TFPI: variants seen among roughly 807,000 people sequenced by gnomAD.
TFPI encodes anti-convertin.
TFPI carries 15 observed loss-of-function variants against 34.6 expected under a neutral mutation model. The observed-to-expected ratio is 0.43, with a 90% confidence interval of 0.29 to 0.67. TFPI has a LOEUF of 0.67. TFPI is among the 30% of genes least tolerant of loss of function. The pLI, the probability that TFPI is intolerant of heterozygous loss-of-function variation, is 0.15. For missense variants in TFPI, 301 were observed against 364.0 expected (o/e 0.83, Z 1.41); for synonymous variants, 105 against 120.1 (o/e 0.87, Z 0.82).
At chr2:187,544,242 C>T (rs1445848691) in intron 1 of TFPI, among the ~76,000 whole-genome samples, 4 of 152,064 alleles carry the variant, frequency 2.6e-5, no homozygotes, top group African/African-American at 4.8e-5. Context: ...CATGCCAAAT[C>T]CCCATTTCTT....
intron 4 of TFPI, among the ~76,000 whole-genome samples, 156 bp downstream of exon 4, chr2:187,488,181 T>C (rs963952592): frequency 6.6e-6 from 1 of 151,308 alleles, no homozygotes; most frequent in African/African-American, 2.4e-5. Context: ...TCAATCTCTT[T>C]TATGGATTTT....
intron 3 of TFPI, among the ~76,000 whole-genome samples, chr2:187,490,861 T>C (rs1241833871): frequency 6.6e-6 from 1 of 151,794 alleles, no homozygotes; most frequent in Non-Finnish European, 1.5e-5. Flanking sequence ...AATTTCATCT[T>C]CATTATGGGC....
intron 1 of TFPI, among the ~76,000 whole-genome samples, chr2:187,542,801 A>G (rs2106309392): frequency 6.8e-6 from 1 of 146,430 alleles, no homozygotes; most frequent in African/African-American, 2.5e-5. Context: ...CGGGAGATGG[A>G]GGCTGCAGTG....
intron 1 of TFPI, chr2:187,516,515 A>G (rs1053575490): frequency 1.3e-5 from 2 of 152,208 alleles, no homozygotes; most frequent in African/African-American, 4.8e-5. Context: ...GCACAAGTAT[A>G]CTATATGAAT....
At chr2:187,527,516 T>G (rs891515090) in intron 1 of TFPI, among the ~76,000 whole-genome samples, 3 of 152,192 alleles carry the variant, frequency 2.0e-5, no homozygotes, top group African/African-American at 7.2e-5. Flanking sequence ...TACCAAATTC[T>G]AACAAGTCGG....
At chr2:187,473,106 C>G (rs1256285764) in intron 6 of TFPI, among the ~76,000 whole-genome samples, 1 of 151,962 alleles carries the variant, frequency 6.6e-6, no homozygotes. Flanking sequence ...GTAGAAAAAC[C>G]TGCATGTTAG....
chr2:187,532,409 T>C (rs1688006910), intron 1 of TFPI, among the ~76,000 whole-genome samples: 1 of 152,166 alleles, frequency 6.6e-6, no homozygotes, highest in African/African-American at 2.4e-5. Context: ...TGGTTAGACA[T>C]TGGGTGTAGC....
At chr2:187,475,759 A>G (rs541746523) in intron 6 of TFPI, among the ~76,000 whole-genome samples, 1 of 152,214 alleles carries the variant, frequency 6.6e-6, no homozygotes, top group African/African-American at 2.4e-5. Context: ...AACCACTAAG[A>G]TATGTCATTC....
intron 1 of TFPI, among the ~76,000 whole-genome samples, chr2:187,553,412 A>G (rs1689163224): frequency 6.6e-6 from 1 of 151,794 alleles, no homozygotes; most frequent in South Asian, 2.1e-4. Context: ...ATTTTTGGTA[A>G]TTATTTTATA....
intron 3 of TFPI, among the ~76,000 whole-genome samples, chr2:187,493,805 G>C (rs1685280531): frequency 6.6e-6 from 1 of 152,130 alleles, no homozygotes; most frequent in Admixed American, 6.6e-5. Flanking sequence ...TTCCCAAAAA[G>C]TTCCTCATCT....
intron 2 of TFPI, among the ~76,000 whole-genome samples, chr2:187,497,820 C>G (rs766303626): frequency 1.3e-4 from 19 of 151,552 alleles, no homozygotes; most frequent in Admixed American, 5.9e-4. Flanking sequence ...TTATTTTTTT[C>G]AAGTCCAATA....
intron 7 of TFPI, 90 bp downstream of exon 7, chr2:187,467,663 A>G: frequency 8.5e-7 from 1 of 1,172,814 alleles, no homozygotes; most frequent in South Asian, 2.6e-5. Flanking sequence ...TATAATAAAG[A>G]TAATTAATTT....
intron 1 of TFPI, among the ~76,000 whole-genome samples, chr2:187,512,277 T>TAAAAAAAAAAAAAAAAAA (rs143585752): frequency 1.8e-5 from 2 of 110,368 alleles, no homozygotes; most frequent in Non-Finnish European, 3.8e-5. Flanking sequence ...TATCCTAAGT[T>TAAAAAAAAAAAAAAAAAA]AAAAAAAAAA....
intron 1 of TFPI, among the ~76,000 whole-genome samples, chr2:187,534,466 A>C (rs1339339738): frequency 6.6e-6 from 1 of 152,168 alleles, no homozygotes; most frequent in Non-Finnish European, 1.5e-5. Flanking sequence ...ATCAAGCAAA[A>C]CTAAGCTTCA....
At chr2:187,513,489 A>G (rs1686787202) in intron 1 of TFPI, 2 of 152,408 alleles carry the variant, frequency 1.3e-5, no homozygotes, top group African/African-American at 4.8e-5. Flanking sequence ...AATTATATAC[A>G]CTTTCCTTTC....
chr2:187,469,630 A>G (rs1414056402), intron 6 of TFPI, among the ~76,000 whole-genome samples: 1 of 152,154 alleles, frequency 6.6e-6, no homozygotes, highest in Admixed American at 6.6e-5. Context: ...ATCTACTTAT[A>G]TAACAGAAAT....
chr2:187,532,995 T>C (rs1024684635), intron 1 of TFPI, among the ~76,000 whole-genome samples: 1 of 152,162 alleles, frequency 6.6e-6, no homozygotes, highest in Admixed American at 6.5e-5. Context: ...AAACCCACTG[T>C]AGCCAGACTG....
intron 1 of TFPI, chr2:187,516,567 TGAAA>T (rs1687016066): frequency 6.6e-6 from 1 of 152,008 alleles, no homozygotes; most frequent in African/African-American, 2.4e-5. Context: ...GTAGTGAGGA[TGAAA>T]GTGAGAACTC....
intron 1 of TFPI, among the ~76,000 whole-genome samples, chr2:187,550,159 A>G (rs988186765): frequency 6.6e-6 from 1 of 152,138 alleles, no homozygotes; most frequent in Admixed American, 6.6e-5. Context: ...AGAAAGAAAG[A>G]TCCAGAGATC....
Sources: allele counts gnomAD v4.1 joint callset (sites outside exome capture counted in the v4.1 genomes callset), GRCh38; gene constraint gnomAD v4.1.1; transcripts MANE v1.5; gene names NCBI Gene and HGNC (gene_info 2026-07-23, HGNC 2026-07-21).